Variants in SEPTIN11 observed in about 807,000 individuals in gnomAD.
The protein encoded by SEPTIN11 is septin-11.
In SEPTIN11, 25 loss-of-function variants were observed where a neutral mutation model predicts 51.4. The ratio of observed to expected loss-of-function variants is 0.49; its 90% CI spans 0.35 to 0.68. SEPTIN11 has a LOEUF of 0.68. Among genes scored for constraint, SEPTIN11 ranks in the 30% least tolerant of loss-of-function variants. The pLI is 0.00. For missense variants in SEPTIN11, 381 were observed against 520.8 expected, an observed-to-expected ratio of 0.73 and a Z score of 2.61; for synonymous variants, 174 against 184.1, an observed-to-expected ratio of 0.95 and a Z score of 0.44.
intron 7 of SEPTIN11, 90 bp downstream of exon 7, chr4:77,020,760 G>T: frequency 1.6e-6 from 2 of 1,231,348 alleles, no homozygotes; most frequent in South Asian, 1.5e-5. Flanking sequence ...GGATTGAGAT[G>T]GTGATGATGG....
chr4:76,992,070 T>G (rs1428246473), intron 1 of SEPTIN11, among the ~76,000 whole-genome samples: 1 of 152,244 alleles, frequency 6.6e-6, no homozygotes, highest in Non-Finnish European at 1.5e-5. Context: ...AATGCAGGGC[T>G]AAATCAATTA....
Position 77,019,135 on chromosome 4 carries a change from G to T in SEPTIN11, c.688-30G>T, listed in dbSNP as rs189489244. ...AACCAGTCTGTCAGAGCAGGGGAAA[G>T]TAACTATTCTCTGTCCTTTTGCTTG... On this transcript the variant is annotated intron_variant, in intron 5 of 9. Transcript: ENST00000264893. The T allele has an allele frequency of 4.9e-4, 784 of 1,595,832 alleles. 4 individuals are homozygous for T. The African/African-American group carries it at 9.2e-3, about 19-fold the overall frequency.
chr4:76,971,416 T>C (rs1489617412), intron 1 of SEPTIN11, among the ~76,000 whole-genome samples: 1 of 152,106 alleles, frequency 6.6e-6, no homozygotes, highest in Non-Finnish European at 1.5e-5. Flanking sequence ...CATGCTGCTT[T>C]TTTTTATATT....
At chr4:76,958,480 A>G (rs1578116128) in intron 1 of SEPTIN11, among the ~76,000 whole-genome samples, 1 of 152,196 alleles carries the variant, frequency 6.6e-6, no homozygotes, top group East Asian at 1.9e-4. Context: ...CCCCTGGGTC[A>G]CTTCCCAGGA....
At chr4:77,012,061 CT>C (rs1261247280) in intron 4 of SEPTIN11, 140 bp downstream of exon 4, 20 of 487,078 alleles carry the variant, frequency 4.1e-5, no homozygotes, top group Non-Finnish European at 6.9e-5. Context: ...GAGAAAAACG[CT>C]TCAAAACCTC....
rs1721231898 is a variant in SEPTIN11, at chr4:76,949,820, A to AGGG, written c.-82_-81insGGG. The stretch of plus-strand genomic sequence containing the variant: ...CGCAGCCGCGAGGGAGGCGCGAGGG[A>AGGG]GGCGAGCCGGAGCCCGAGCACTAGC... On this transcript the variant is annotated 5_prime_UTR_variant, in exon 1 of 10. Transcript: ENST00000264893. 34 of 1,424,086 alleles carry AGGG rather than the reference A, an allele frequency of 2.4e-5. No individual in the cohort carries two copies. Among genetic ancestry groups the AGGG allele is most frequent in the Non-Finnish European group, 3.2e-5 (34 of 1,062,494 alleles). 88.2% of individuals were successfully genotyped at this position (1,424,086 alleles called of 1,614,324 possible). A position where few individuals can be genotyped will look rare whatever the true frequency, so the allele number is the denominator to read the frequency against.
chr4:77,034,438 TC>T, intron 9 of SEPTIN11, 58 bp from the exon 10 acceptor site: 1 of 1,398,416 alleles, frequency 7.2e-7, no homozygotes. Context: ...CTCCTAATTT[TC>T]CTTTCTTTTT....
chr4:77,020,548 G>C lies in SEPTIN11; in HGVS notation c.831G>C (p.Leu277=). 1 of 1,614,012 alleles carries C rather than the reference G, an allele frequency of 6.2e-7. No homozygotes were observed. Among genetic ancestry groups the C allele is most frequent in the Non-Finnish European group, 8.5e-7 (1 of 1,179,998 alleles). Reference sequence around the variant, plus strand: ...ATTTTGTGAAACTTCGAGAGATGCTGATCCGCGTGAACATGGAGGACTTGC... The same window carrying C: ...ATTTTGTGAAACTTCGAGAGATGCTCATCCGCGTGAACATGGAGGACTTGC... ...HCDFVKLREM[L]IRVNMEDLRE... is the part of the protein sequence containing the mutation. The change falls in exon 7 of 10, where the codon CTG becomes CTC. Residue 277 remains leucine, a synonymous_variant. Transcript: ENST00000264893.
rs370013302 is a variant in SEPTIN11, at chr4:77,038,008, G to GT, written c.*3501dup. 1.0e-6 allele frequency: 1 copy of GT among 985,726 alleles called. No homozygotes were observed. Among genetic ancestry groups the GT allele is most frequent in the Non-Finnish European group, 1.2e-6 (1 of 829,920 alleles). 61.1% of individuals were successfully genotyped at this position (985,726 alleles called of 1,614,324 possible). ...TTTCACATACAAACTATTGGGTGAG[G>GT]TTTTTCAGCTGTTACCGACCCACGT... On this transcript the variant is annotated 3_prime_UTR_variant, in exon 10 of 10. Transcript: ENST00000264893.
At chr4:76,988,230 T>C (rs1230656377) in intron 1 of SEPTIN11, among the ~76,000 whole-genome samples, 1 of 152,246 alleles carries the variant, frequency 6.6e-6, no homozygotes, top group African/African-American at 2.4e-5. Context: ...TCACATGAGT[T>C]ATAAGGCTAC....
At chr4:76,990,787 T>G (rs1723337135) in intron 1 of SEPTIN11, among the ~76,000 whole-genome samples, 1 of 152,204 alleles carries the variant, frequency 6.6e-6, no homozygotes, top group South Asian at 2.1e-4. Flanking sequence ...ACTGGCATGT[T>G]TCTCAGAATG....
At chr4:76,994,900 C>CTTT (rs55728971) in intron 1 of SEPTIN11, among the ~76,000 whole-genome samples, 1,106 of 54,892 alleles carry the variant, frequency 0.02, 80 homozygotes, top group East Asian at 0.18. Flanking sequence ...CTGTACAAAG[C>CTTT]TTTTTTTTTT....
chr4:77,030,995 T>C, intron 9 of SEPTIN11, 25 bp downstream of exon 9: 1 of 1,576,376 alleles, frequency 6.3e-7, no homozygotes, highest in Non-Finnish European at 8.6e-7. Context: ...CCCCCCTGTA[T>C]CGGGGACCTC....
chr4:77,030,496 C>A (rs185269520), intron 8 of SEPTIN11, among the ~76,000 whole-genome samples: 1 of 152,224 alleles, frequency 6.6e-6, no homozygotes, highest in Non-Finnish European at 1.5e-5. Context: ...CTCCCAGGTT[C>A]AAGCAATTCT....
chr4:77,004,620 A>G (rs1342603059), intron 2 of SEPTIN11, among the ~76,000 whole-genome samples: 2 of 152,180 alleles, frequency 1.3e-5, no homozygotes, highest in African/African-American at 4.8e-5. Flanking sequence ...CATCTTGAAC[A>G]TGGAGGAAAC....
intron 7 of SEPTIN11, among the ~76,000 whole-genome samples, chr4:77,028,032 A>G (rs1305587331): frequency 1.3e-5 from 2 of 151,992 alleles, no homozygotes; most frequent in African/African-American, 4.8e-5. Flanking sequence ...TGCTGGGTCT[A>G]TTTTCCACAT....
intron 1 of SEPTIN11, among the ~76,000 whole-genome samples, chr4:76,966,260 G>A (rs146930073): frequency 0.01 from 1,550 of 152,328 alleles, 13 homozygotes; most frequent in Middle Eastern, 0.02. Context: ...CATGAAATGA[G>A]TTTTATCTCC....
chr4:77,012,021 C>G, intron 4 of SEPTIN11, 100 bp downstream of exon 4: 1 of 1,047,008 alleles, frequency 9.6e-7, no homozygotes, highest in Non-Finnish European at 1.4e-6. Flanking sequence ...TTTTTTTTTC[C>G]TGGATTACAG....
At chr4:76,998,858 G>T (rs1277936171) in intron 2 of SEPTIN11, among the ~76,000 whole-genome samples, 1 of 152,102 alleles carries the variant, frequency 6.6e-6, no homozygotes, top group Non-Finnish European at 1.5e-5. Flanking sequence ...GGATTTCACT[G>T]ATTGGCCAGG....
Sources: gnomAD v4.1 joint callset for allele counts (sites outside exome capture counted in the v4.1 genomes callset) on GRCh38, gnomAD v4.1.1 for gene constraint, MANE v1.5 for transcripts, NCBI Gene and HGNC (gene_info 2026-07-23, HGNC 2026-07-21) for gene names.